CASK: variants seen among roughly 807,000 people sequenced by gnomAD.
CASK encodes the protein calcium/calmodulin dependent serine protein kinase.
In CASK, 4 loss-of-function variants were observed where a neutral mutation model predicts 82.9. The observed-to-expected ratio is 0.05, with a 90% CI of 0.02 to 0.11. The LOEUF (loss-of-function observed/expected upper bound fraction) is 0.11, where lower values mean the gene tolerates loss of function less well. Among genes scored for constraint, CASK ranks in the 10% least tolerant of loss-of-function variants. CASK has a pLI of 1.00. For synonymous variants in CASK, 259 were observed against 253.5 expected, an observed-to-expected ratio of 1.02 and a Z score of -0.20; for missense variants, 358 against 720.9, an observed-to-expected ratio of 0.50 and a Z score of 5.76.
intron 9 of CASK, among the ~76,000 whole-genome samples, chrX:41,628,050 TTG>T (rs2066409999): frequency 8.9e-6 from 1 of 111,953 alleles, no homozygotes; most frequent in South Asian, 3.7e-4. Flanking sequence ...TCTTACAGGA[TTG>T]GCAAAAGTCA....
chrX:41,524,947 C>T (rs1357310243), intron 25 of CASK, among the ~76,000 whole-genome samples: 1 of 111,669 alleles, frequency 9.0e-6, no homozygotes, highest in African/African-American at 3.3e-5. Context: ...ATCTTGCTGT[C>T]ACTTACACAA....
Position 41,787,288 on chromosome X carries a change from A to G in CASK, c.173-5T>C. The G allele has an allele frequency of 1.9e-6, 2 of 1,053,586 alleles. No homozygotes were observed. The highest frequency in any genetic ancestry group is 2.7e-6 in the Non-Finnish European group (2 of 751,335). 86.8% of individuals were successfully genotyped at this position (1,053,586 alleles called of 1,213,427 possible). A position where few individuals can be genotyped will look rare whatever the true frequency, so the allele number is the denominator to read the frequency against. On this transcript the variant is annotated splice_region_variant and splice_polypyrimidine_tract_variant and intron_variant, in intron 2 of 26. Coordinates refer to ENST00000378163, the MANE Select transcript of CASK (RefSeq NM_001367721.1). ...TACTGGCTTCCCGCTTTAGATCTGT[A>G]AAACAAACATACAGCATACTTCATT...
At chrX:41,722,446 T>C (rs2068183526) in intron 5 of CASK, among the ~76,000 whole-genome samples, 1 of 112,848 alleles carries the variant, frequency 8.9e-6, no homozygotes. Flanking sequence ...ATCACCATCC[T>C]GTGAGGACAG....
At chrX:41,875,895 A>C (rs2071807677) in intron 1 of CASK, among the ~76,000 whole-genome samples, 1 of 111,914 alleles carries the variant, frequency 8.9e-6, no homozygotes, top group South Asian at 3.7e-4. Context: ...AAACTGATCA[A>C]GGAGCTGGCT....
chrX:41,903,248 T>TGTGTGCAC (rs1220382539), intron 1 of CASK, among the ~76,000 whole-genome samples: 1 of 112,234 alleles, frequency 8.9e-6, no homozygotes, highest in Admixed American at 9.4e-5. Context: ...GGCCAGTAAA[T>TGTGTGCAC]GTGTGCACAT....
In CASK at chrX:41,761,257, G is replaced by C. The variant is rs940755859; in HGVS notation, c.279-15656C>G. 2.7e-5 allele frequency among the ~76,000 whole-genome samples: 3 copies of C among 110,580 alleles called. No homozygotes were observed. In the Admixed American group the frequency reaches 2.9e-4, roughly 11 times the overall value. The stretch of plus-strand genomic sequence containing the variant: ...CGCTTGTGGAATTCATGGATTTTGG[G>C]GTTTTTTTTTGACAGTTCTACTTGT... On this transcript the variant is annotated intron_variant, in intron 3 of 26. Transcript: ENST00000378163.
chrX:41,770,431 T>C (rs1276556626), intron 3 of CASK, among the ~76,000 whole-genome samples: 1 of 110,533 alleles, frequency 9.0e-6, no homozygotes, highest in South Asian at 3.9e-4. Context: ...TTTTTTGAGA[T>C]GGAGTTTTGC....
chrX:41,680,215 G>A (rs185780375), intron 5 of CASK, among the ~76,000 whole-genome samples: 7 of 107,673 alleles, frequency 6.5e-5, no homozygotes, highest in Admixed American at 3.0e-4. Context: ...TGGACGCAGC[G>A]ACTCATGCCT....
chrX:41,653,468 T>C (rs552873167), intron 8 of CASK, among the ~76,000 whole-genome samples: 3 of 111,944 alleles, frequency 2.7e-5, no homozygotes, highest in African/African-American at 9.7e-5. Context: ...CCCTTGGTGG[T>C]GGTTGTCTGT....
chrX:41,818,145 CTG>C (rs59931187), intron 2 of CASK, among the ~76,000 whole-genome samples: 10,758 of 85,166 alleles, frequency 0.13, 776 homozygotes, highest in African/African-American at 0.25. Flanking sequence ...AGGAGGCCTT[CTG>C]TGTGTGTGTG....
intron 2 of CASK, among the ~76,000 whole-genome samples, chrX:41,815,815 A>C (rs1462407926): frequency 8.9e-6 from 1 of 112,277 alleles, no homozygotes; most frequent in Non-Finnish European, 1.9e-5. Flanking sequence ...CAAATAAAAA[A>C]AGGCACTAAG....
chrX:41,810,880 G>C (rs1485124110), intron 2 of CASK, among the ~76,000 whole-genome samples: 2 of 111,705 alleles, frequency 1.8e-5, no homozygotes, highest in African/African-American at 6.5e-5. Context: ...ATAAAGGATG[G>C]AGGAAGATCT....
At chrX:41,712,203 C>T (rs746564716) in intron 5 of CASK, among the ~76,000 whole-genome samples, 3 of 112,453 alleles carry the variant, frequency 2.7e-5, no homozygotes, top group Non-Finnish European at 5.6e-5. Flanking sequence ...AGCTGTGCTG[C>T]AATCAGCTAC....
At chrX:41,751,816 G>A (rs1384124741) in intron 3 of CASK, among the ~76,000 whole-genome samples, 1 of 111,167 alleles carries the variant, frequency 9.0e-6, no homozygotes, top group Non-Finnish European at 1.9e-5. Context: ...GGCTGAGGCA[G>A]GCAGATTGCT....
At chrX:41,759,138 A>C (rs2068951462) in intron 3 of CASK, among the ~76,000 whole-genome samples, 1 of 111,919 alleles carries the variant, frequency 8.9e-6, no homozygotes, top group Admixed American at 9.5e-5. Flanking sequence ...AGATCTGTTA[A>C]ATAATTTTAT....
chrX:41,909,693 C>T, intron 1 of CASK, among the ~76,000 whole-genome samples: 1 of 110,590 alleles, frequency 9.0e-6, no homozygotes, highest in East Asian at 2.9e-4. Context: ...CAAACTATGC[C>T]TCCCGGGTTC....
intron 16 of CASK, among the ~76,000 whole-genome samples, chrX:41,565,911 G>A (rs1319443690): frequency 1.8e-5 from 2 of 111,643 alleles, no homozygotes; most frequent in Non-Finnish European, 3.8e-5. Context: ...TTCATCCCTG[G>A]GATGCAAGGC....
intron 24 of CASK, among the ~76,000 whole-genome samples, chrX:41,532,151 G>T (rs1269920537): frequency 9.0e-6 from 1 of 111,466 alleles, no homozygotes; most frequent in East Asian, 2.8e-4. Context: ...GGCCAGACTG[G>T]TCTCAAACTC....
chrX:41,599,692 T>C (rs747202037), intron 12 of CASK, among the ~76,000 whole-genome samples: 2 of 112,245 alleles, frequency 1.8e-5, no homozygotes, highest in African/African-American at 6.5e-5. Context: ...GTGGCAGATT[T>C]CTGGTCAGTT....
Sources: gnomAD v4.1 joint callset for allele counts (sites outside exome capture counted in the v4.1 genomes callset) on GRCh38, gnomAD v4.1.1 for gene constraint, MANE v1.5 for transcripts, NCBI Gene and HGNC (gene_info 2026-07-23, HGNC 2026-07-21) for gene names.